The following ADAMTSL3 variants were observed in gnomAD, a reference collection of about 807,000 sequenced individuals.
ADAMTSL3 encodes ADAMTS-like protein 3.
A neutral mutation model predicts 201.7 loss-of-function variants in ADAMTSL3; 128 were observed. The ratio of observed to expected loss-of-function variants is 0.63; its 90% CI spans 0.55 to 0.73. The LOEUF is 0.73. Among genes scored for constraint, ADAMTSL3 ranks in the 30% least tolerant of loss-of-function variants. The pLI, the probability that ADAMTSL3 is intolerant of heterozygous loss-of-function variation, is 0.00. For synonymous variants in ADAMTSL3, 738 were observed against 748.4 expected, an observed-to-expected ratio of 0.99 and a Z score of 0.23; for missense variants, 1,990 against 2,119.6, an observed-to-expected ratio of 0.94 and a Z score of 1.20.
chr15:83,906,622 CCACACACACACACACACA>C (rs1157198460), intron 15 of ADAMTSL3, among the ~76,000 whole-genome samples: 3,413 of 78,990 alleles, frequency 0.043, 91 homozygotes, highest in East Asian at 0.29. Flanking sequence ...GTGCCACACA[CCACACACACACACACACA>C]CACACACACA....
intron 6 of ADAMTSL3, among the ~76,000 whole-genome samples, chr15:83,823,969 T>C (rs201059450): frequency 0.35 from 23,429 of 67,174 alleles, 3,950 homozygotes; most frequent in East Asian, 0.56. Flanking sequence ...TTCTTCTTCT[T>C]CTTCTCCTCC....
chr15:83,719,089 A>G (rs2062060274), intron 3 of ADAMTSL3, among the ~76,000 whole-genome samples: 1 of 152,220 alleles, frequency 6.6e-6, no homozygotes, highest in Non-Finnish European at 1.5e-5. Context: ...CAAACAGTGT[A>G]CATCTCTTGA....
intron 19 of ADAMTSL3, among the ~76,000 whole-genome samples, chr15:83,946,257 G>C (rs1431958635): frequency 6.6e-6 from 1 of 152,174 alleles, no homozygotes; most frequent in Admixed American, 6.5e-5. Flanking sequence ...CTCCGTGTCC[G>C]CTCTCTCAGT....
chr15:83,848,516 G>C (rs1033333667), intron 7 of ADAMTSL3, among the ~76,000 whole-genome samples: 1 of 152,224 alleles, frequency 6.6e-6, no homozygotes, highest in African/African-American at 2.4e-5. Flanking sequence ...GGGAAAGTCA[G>C]TGAATCTTAG....
At chr15:83,920,179 T>C (rs751503658) in intron 16 of ADAMTSL3, among the ~76,000 whole-genome samples, 5 of 152,238 alleles carry the variant, frequency 3.3e-5, no homozygotes, top group Non-Finnish European at 5.9e-5. Context: ...AAAGATTGCA[T>C]TGGCCCACTA....
chr15:83,970,874 C>T (rs2067183834), intron 20 of ADAMTSL3, among the ~76,000 whole-genome samples: 2 of 152,314 alleles, frequency 1.3e-5, no homozygotes, highest in South Asian at 2.1e-4. Flanking sequence ...TAGGCTTCCT[C>T]ATTTGGATTT....
chr15:83,714,146 C>T (rs2061968205), intron 3 of ADAMTSL3, among the ~76,000 whole-genome samples: 1 of 152,152 alleles, frequency 6.6e-6, no homozygotes, highest in African/African-American at 2.4e-5. Flanking sequence ...TTTAGGGTGG[C>T]CAACTGTCCT....
intron 2 of ADAMTSL3, among the ~76,000 whole-genome samples, chr15:83,658,611 C>A (rs113740982): frequency 1.7e-4 from 26 of 152,194 alleles, no homozygotes; most frequent in African/African-American, 6.3e-4. Context: ...GTCTCACAGG[C>A]CCTGGAAGCT....
chr15:83,908,623 G>A (rs2065881403), intron 15 of ADAMTSL3, among the ~76,000 whole-genome samples: 1 of 152,158 alleles, frequency 6.6e-6, no homozygotes, highest in Admixed American at 6.5e-5. Flanking sequence ...TGAATGTTGT[G>A]TGCATCTGAG....
At chr15:84,015,633 C>A (rs1216706357) in intron 24 of ADAMTSL3, among the ~76,000 whole-genome samples, 1 of 152,226 alleles carries the variant, frequency 6.6e-6, no homozygotes, top group Non-Finnish European at 1.5e-5. Context: ...ACTCTTAGTA[C>A]TGACAAAGGC....
chr15:84,036,709 CA>C, intron 28 of ADAMTSL3, 63 bp from the exon 29 acceptor site: 2 of 1,364,392 alleles, frequency 1.5e-6, no homozygotes, highest in South Asian at 1.4e-5. Flanking sequence ...TTGGTCCCAG[CA>C]AAAAGTTACA....
At chr15:83,831,201 C>T (rs2064149931) in intron 6 of ADAMTSL3, among the ~76,000 whole-genome samples, 1 of 152,144 alleles carries the variant, frequency 6.6e-6, no homozygotes. Flanking sequence ...CCTATTATTT[C>T]ATCTCAACAT....
In ADAMTSL3 at chr15:83,913,081, G is replaced by C. The variant is rs2065961648; in HGVS notation, c.1701-11G>C. 6.2e-7 allele frequency: 1 copy of C among 1,610,152 alleles called. No individual in the cohort carries two copies. Among genetic ancestry groups the C allele is most frequent in the Non-Finnish European group, 8.5e-7 (1 of 1,177,226 alleles). On this transcript the variant is annotated splice_polypyrimidine_tract_variant and intron_variant, in intron 15 of 29. Coordinates refer to ENST00000286744, the MANE Select transcript of ADAMTSL3 (RefSeq NM_207517.3). Reference sequence around the variant, plus strand: ...AGTGTCCTTTTCTGGTGGCTTCCTGGTTTTCCCTAGGTTCATTCCAGAACC... The same window carrying C: ...AGTGTCCTTTTCTGGTGGCTTCCTGCTTTTCCCTAGGTTCATTCCAGAACC...
chr15:83,787,457 A>G (rs2063282664), intron 4 of ADAMTSL3, among the ~76,000 whole-genome samples: 1 of 152,184 alleles, frequency 6.6e-6, no homozygotes, highest in South Asian at 2.1e-4. Context: ...AGGATGGGTA[A>G]TTCTATGAAG....
chr15:83,755,958 G>C (rs1461268762), intron 3 of ADAMTSL3, among the ~76,000 whole-genome samples: 2 of 152,030 alleles, frequency 1.3e-5, no homozygotes, highest in African/African-American at 4.8e-5. Flanking sequence ...ACAGGGTTTT[G>C]CCATGTTGGC....
intron 5 of ADAMTSL3, among the ~76,000 whole-genome samples, chr15:83,814,529 T>C (rs2063744108): frequency 6.6e-6 from 1 of 152,200 alleles, no homozygotes. Flanking sequence ...CCGAATCTTA[T>C]CCTGTTTACA....
intron 15 of ADAMTSL3, among the ~76,000 whole-genome samples, chr15:83,900,162 G>C (rs2065696530): frequency 6.6e-6 from 1 of 152,158 alleles, no homozygotes; most frequent in African/African-American, 2.4e-5. Flanking sequence ...GAAAGAACAA[G>C]GTACTAAGAG....
At chr15:84,009,469 G>A (rs116967101) in intron 23 of ADAMTSL3, among the ~76,000 whole-genome samples, 3,180 of 152,188 alleles carry the variant, frequency 0.021, 80 homozygotes, top group South Asian at 0.13. Context: ...ATGTGTGATC[G>A]AATAATATAT....
intron 28 of ADAMTSL3, among the ~76,000 whole-genome samples, chr15:84,034,422 G>T (rs2068466188): frequency 6.6e-6 from 1 of 152,162 alleles, no homozygotes. Context: ...TTTACTATAT[G>T]CCCTGGGAAG....
Sources: gnomAD v4.1 joint callset for allele counts (sites outside exome capture counted in the v4.1 genomes callset) on GRCh38, gnomAD v4.1.1 for gene constraint, MANE v1.5 for transcripts, NCBI Gene and HGNC (gene_info 2026-07-23, HGNC 2026-07-21) for gene names.